FBXL13: variants seen among roughly 807,000 people sequenced by gnomAD.
FBXL13 encodes the protein F-box and leucine-rich repeat protein 13.
In FBXL13, 67 loss-of-function variants were observed where a neutral mutation model predicts 83.6. That is an observed-to-expected ratio of 0.80 (90% CI 0.66 to 0.98). The LOEUF (loss-of-function observed/expected upper bound fraction) is 0.98, where lower values mean the gene tolerates loss of function less well. Among genes scored for constraint, FBXL13 ranks in the 50% least tolerant of loss-of-function variants. The pLI, the probability that FBXL13 is intolerant of heterozygous loss-of-function variation, is 0.00. For missense variants in FBXL13, 822 were observed against 866.5 expected, an observed-to-expected ratio of 0.95 and a Z score of 0.64; for synonymous variants, 272 against 299.5, an observed-to-expected ratio of 0.91 and a Z score of 0.95.
At chr7:102,956,737 T>C (rs970470950) in intron 8 of FBXL13, among the ~76,000 whole-genome samples, 5 of 151,846 alleles carry the variant, frequency 3.3e-5, no homozygotes, top group Admixed American at 6.6e-5. Context: ...CTATACACCA[T>C]TAACAGACAA....
chr7:102,922,166 G>C (rs1444708856), intron 10 of FBXL13, among the ~76,000 whole-genome samples: 1 of 151,266 alleles, frequency 6.6e-6, no homozygotes, highest in African/African-American at 2.4e-5. Flanking sequence ...TTCCAGCCTG[G>C]GCGACAGAGG....
chr7:103,048,718 T>C (rs1399222005), intron 2 of FBXL13, among the ~76,000 whole-genome samples: 2 of 152,212 alleles, frequency 1.3e-5, no homozygotes, highest in Non-Finnish European at 2.9e-5. Context: ...AACTGAACAA[T>C]ACACTTTTAA....
chr7:102,979,383 T>A (rs866363511), intron 6 of FBXL13, among the ~76,000 whole-genome samples: 13 of 152,326 alleles, frequency 8.5e-5, no homozygotes, highest in South Asian at 8.3e-4. Flanking sequence ...TATAAATACC[T>A]TTGTGATTTT....
At chr7:103,039,677 T>C (rs2129491612) in intron 2 of FBXL13, among the ~76,000 whole-genome samples, 1 of 152,262 alleles carries the variant, frequency 6.6e-6, no homozygotes, top group South Asian at 2.1e-4. Flanking sequence ...ATATTCAACA[T>C]TCTTAAAGAA....
chr7:103,043,037 T>C (rs1296940885), intron 2 of FBXL13, among the ~76,000 whole-genome samples: 1 of 152,188 alleles, frequency 6.6e-6, no homozygotes, highest in Non-Finnish European at 1.5e-5. Context: ...ACAGGCAACC[T>C]GTAGAATGGG....
intron 8 of FBXL13, among the ~76,000 whole-genome samples, chr7:102,957,484 T>C (rs1457053467): frequency 6.6e-6 from 1 of 152,138 alleles, no homozygotes; most frequent in Non-Finnish European, 1.5e-5. Context: ...GGCAAGGACT[T>C]CATGACTAAA....
Position 102,813,524 on chromosome 7 carries a change from CTGCCTTCCTG to C in FBXL13, c.2019-3_2025del. The C allele has an allele frequency of 6.2e-7, 1 of 1,613,700 alleles. No individual in the cohort carries two copies. Among genetic ancestry groups the C allele is most frequent in the Non-Finnish European group, 8.5e-7 (1 of 1,179,798 alleles). On this transcript the variant is annotated splice_acceptor_variant and splice_polypyrimidine_tract_variant and coding_sequence_variant and intron_variant, in exon 20 of 20. Coordinates refer to ENST00000313221, the Ensembl canonical transcript of FBXL13. LOFTEE classifies it high-confidence loss of function. ...TGAACTTTAGATGACATTCTTTGAG[CTGCCTTCCTG>C]TAATAACAGTGCTTAGCATTAGCTA...
chr7:102,862,692 T>G (rs924653899), intron 16 of FBXL13, among the ~76,000 whole-genome samples: 1 of 152,226 alleles, frequency 6.6e-6, no homozygotes, highest in African/African-American at 2.4e-5. Context: ...TTACAAAAAT[T>G]GATGGATACT....
At chr7:102,985,403 C>T (rs1327394640) in intron 6 of FBXL13, among the ~76,000 whole-genome samples, 1 of 152,190 alleles carries the variant, frequency 6.6e-6, no homozygotes, top group East Asian at 1.9e-4. Context: ...ACATTCCACA[C>T]AATAAAAGAT....
chr7:103,053,006 C>G (rs1477180237), intron 2 of FBXL13, among the ~76,000 whole-genome samples: 1 of 151,990 alleles, frequency 6.6e-6, no homozygotes, highest in Non-Finnish European at 1.5e-5. Context: ...ATCCACCCGC[C>G]TCAGCCTCCC....
chr7:102,914,886 C>T (rs933609245), intron 10 of FBXL13, among the ~76,000 whole-genome samples: 1 of 152,140 alleles, frequency 6.6e-6, no homozygotes, highest in Admixed American at 6.6e-5. Flanking sequence ...CCCTGTGATT[C>T]AACTGAGTAC....
chr7:102,932,366 T>C (rs2129473250), intron 8 of FBXL13, among the ~76,000 whole-genome samples: 1 of 152,296 alleles, frequency 6.6e-6, no homozygotes, highest in East Asian at 1.9e-4. Flanking sequence ...CTACTTGGAT[T>C]CTAATTTATC....
chr7:102,954,469 A>G (rs1823930841), intron 8 of FBXL13, among the ~76,000 whole-genome samples: 1 of 152,214 alleles, frequency 6.6e-6, no homozygotes, highest in Non-Finnish European at 1.5e-5. Context: ...CACTGCTATG[A>G]AGAAACTGCA....
At chr7:103,059,025 C>G (rs140229591) in intron 1 of FBXL13, among the ~76,000 whole-genome samples, 1 of 152,158 alleles carries the variant, frequency 6.6e-6, no homozygotes, top group East Asian at 1.9e-4. Context: ...TTTATGAGAC[C>G]AAGGTGGGAG....
chr7:103,023,077 C>A (rs1793402352), intron 6 of FBXL13, among the ~76,000 whole-genome samples: 1 of 152,034 alleles, frequency 6.6e-6, no homozygotes, highest in Admixed American at 6.6e-5. Flanking sequence ...GAGATCGAGA[C>A]CATCCTGGCT....
At position 102,822,175 on chromosome 7, in the gene FBXL13, G is replaced by T. The variant is rs367643559; in HGVS notation, c.1883C>A (p.Ser628Ter). ...AATGTGCAGGTAATGGCATTTTGCC[G>T]ATAACATCTCCATTGCTGAGTCAGT... The change falls in exon 19 of 20, where the codon TCG becomes TAG. Residue 628 changes from serine (S) to a stop codon, truncating the protein, a stop_gained. Transcript: ENST00000313221. LOFTEE classifies it high-confidence loss of function. 1 of 1,614,080 alleles carries T rather than the reference G, an allele frequency of 6.2e-7. No individual in the cohort carries two copies. The highest frequency in any genetic ancestry group is 1.7e-5 in the Admixed American group (1 of 60,028).
chr7:103,021,082 A>G (rs1487450027), intron 6 of FBXL13, among the ~76,000 whole-genome samples: 2 of 152,216 alleles, frequency 1.3e-5, no homozygotes, highest in African/African-American at 4.8e-5. Flanking sequence ...ACTTCAAACT[A>G]TACTACAAAG....
chr7:103,041,364 C>T (rs777578564), intron 2 of FBXL13, among the ~76,000 whole-genome samples: 6 of 152,130 alleles, frequency 3.9e-5, no homozygotes, highest in African/African-American at 7.2e-5. Flanking sequence ...CAGGACCAGA[C>T]GGATTCACAG....
intron 16 of FBXL13, among the ~76,000 whole-genome samples, chr7:102,857,039 G>C (rs1223176664): frequency 1.3e-5 from 2 of 152,056 alleles, no homozygotes; most frequent in African/African-American, 4.8e-5. Context: ...TCTGTATCTA[G>C]AAGAATGAAA....
Sources: allele counts gnomAD v4.1 joint callset (sites outside exome capture counted in the v4.1 genomes callset), GRCh38; gene constraint gnomAD v4.1.1; transcripts MANE v1.5; gene names NCBI Gene and HGNC (gene_info 2026-07-23, HGNC 2026-07-21).